PARD3B: variants seen among roughly 807,000 people sequenced by gnomAD.
PARD3B encodes the protein partitioning defective 3 homolog B.
A neutral mutation model predicts 130.2 loss-of-function variants in PARD3B; 103 were observed. The observed-to-expected ratio is 0.79, with a 90% CI of 0.67 to 0.93. The LOEUF (loss-of-function observed/expected upper bound fraction) is 0.93, where lower values mean the gene tolerates loss of function less well. Among genes scored for constraint, PARD3B ranks in the 40% least tolerant of loss-of-function variants. The pLI is 0.00. For missense variants in PARD3B, 1,609 were observed against 1,499.2 expected (o/e 1.07, Z -1.21); for synonymous variants, 583 against 553.2 (o/e 1.05, Z -0.76).
At chr2:205,151,750 G>A (rs2033771306) in intron 10 of PARD3B, among the ~76,000 whole-genome samples, 1 of 152,142 alleles carries the variant, frequency 6.6e-6, no homozygotes, top group Admixed American at 6.5e-5. Context: ...GGGGCATTTA[G>A]CCAATTTACA....
At chr2:205,289,727 C>T (rs2041531972) in intron 16 of PARD3B, among the ~76,000 whole-genome samples, 1 of 152,140 alleles carries the variant, frequency 6.6e-6, no homozygotes, top group Non-Finnish European at 1.5e-5. Context: ...TGGATTAAAC[C>T]ATTCATGGAT....
At chr2:205,302,065 CTTTT>C (rs3048088) in intron 18 of PARD3B, among the ~76,000 whole-genome samples, 76 of 77,776 alleles carry the variant, frequency 9.8e-4, no homozygotes, top group Admixed American at 2.7e-3. Flanking sequence ...TTTTTCTTTT[CTTTT>C]TTTTTTTTTT....
intron 18 of PARD3B, among the ~76,000 whole-genome samples, chr2:205,382,454 G>A (rs551255215): frequency 6.6e-5 from 10 of 152,156 alleles, no homozygotes; most frequent in Admixed American, 2.0e-4. Context: ...AGCCATGTCC[G>A]CTGGGTTTCT....
intron 2 of PARD3B, among the ~76,000 whole-genome samples, chr2:204,787,796 G>A (rs912960013): frequency 3.0e-4 from 46 of 152,132 alleles, no homozygotes; most frequent in African/African-American, 9.7e-4. Context: ...AACTTTTTGG[G>A]CAGGGTTGAA....
chr2:204,705,266 C>T (rs545155209), intron 2 of PARD3B, among the ~76,000 whole-genome samples: 1 of 152,292 alleles, frequency 6.6e-6, no homozygotes, highest in East Asian at 1.9e-4. Context: ...AAGGGTCTCC[C>T]TTCATGAAGC....
intron 19 of PARD3B, among the ~76,000 whole-genome samples, chr2:205,408,684 A>G (rs1344957855): frequency 1.3e-5 from 2 of 152,166 alleles, no homozygotes; most frequent in Non-Finnish European, 2.9e-5. Flanking sequence ...GCAATTCTCA[A>G]TAATTAATTA....
At chr2:204,777,567 A>C (rs1212835294) in intron 2 of PARD3B, among the ~76,000 whole-genome samples, 1 of 152,108 alleles carries the variant, frequency 6.6e-6, no homozygotes, top group East Asian at 1.9e-4. Context: ...CCAGACTTAG[A>C]GACTGGCCTC....
chr2:205,602,216 G>A (rs1020550803), intron 22 of PARD3B, among the ~76,000 whole-genome samples: 4 of 152,144 alleles, frequency 2.6e-5, no homozygotes, highest in South Asian at 2.1e-4. Context: ...TTACATCCCC[G>A]GGATAAAGCT....
rs1460792882 is a variant in PARD3B, at chr2:205,176,716, TGA to T, written c.1924+145_1924+146del. On this transcript the variant is annotated intron_variant, in intron 13 of 22. Coordinates refer to ENST00000406610, the MANE Select transcript of PARD3B (RefSeq NM_001302769.2). The surrounding 1 kb of genome is among the most constrained non-coding windows in gnomAD (Gnocchi z 5.3). ...CTTTGTTACTCGGAGTCACAAACAC[TGA>T]GAGAGTTGGGGGAGAGCTGACTCAG... 2.1e-6 allele frequency: 2 copies of T among 965,486 alleles called. No individual in the cohort carries two copies. The highest frequency in any genetic ancestry group is 2.1e-5 in the South Asian group (1 of 48,186). 59.8% of individuals were successfully genotyped at this position (965,486 alleles called of 1,614,324 possible).
chr2:205,511,160 T>C (rs1477455406), intron 21 of PARD3B, among the ~76,000 whole-genome samples: 1 of 152,182 alleles, frequency 6.6e-6, no homozygotes, highest in Non-Finnish European at 1.5e-5. Flanking sequence ...AATTTGTTTT[T>C]GAACCCAATA....
At chr2:204,620,075 T>C (rs11675555) in intron 1 of PARD3B, among the ~76,000 whole-genome samples, 107,404 of 152,052 alleles carry the variant, frequency 0.71, 38,751 homozygotes, top group Middle Eastern at 0.79. Context: ...GATCTCAGCT[T>C]ACTGCATCCT....
chr2:204,883,778 C>T (rs1183262104), intron 2 of PARD3B, among the ~76,000 whole-genome samples: 1 of 145,988 alleles, frequency 6.8e-6, no homozygotes, highest in African/African-American at 2.6e-5. Context: ...TTTGCTCTGT[C>T]ACCCAGGCTG....
At chr2:204,879,545 T>C (rs2045961389) in intron 2 of PARD3B, among the ~76,000 whole-genome samples, 1 of 152,174 alleles carries the variant, frequency 6.6e-6, no homozygotes, top group Non-Finnish European at 1.5e-5. Context: ...ACTGCTTAGA[T>C]TATATGGCAA....
intron 10 of PARD3B, among the ~76,000 whole-genome samples, chr2:205,134,817 G>T (rs1021946800): frequency 1.3e-5 from 2 of 152,186 alleles, no homozygotes; most frequent in African/African-American, 4.8e-5. Flanking sequence ...TGGAGGAAGT[G>T]CGGGGCTATT....
At chr2:204,722,767 G>C (rs1252795464) in intron 2 of PARD3B, among the ~76,000 whole-genome samples, 1 of 152,076 alleles carries the variant, frequency 6.6e-6, no homozygotes, top group Non-Finnish European at 1.5e-5. Flanking sequence ...TTAGTTCTGT[G>C]GAGCTCTGGT....
At position 205,035,107 on chromosome 2, in the gene PARD3B, C is replaced by A. The variant is rs201702608; in HGVS notation, c.395-12474C>A. 8.8e-4 allele frequency among the ~76,000 whole-genome samples: 134 copies of A among 152,208 alleles called. 2 individuals carry two copies. In the East Asian group the frequency reaches 0.024, roughly 28 times the overall value. ...CGAACTCCTAACCTCAGGTGATCCC[C>A]CCCCCTCAGCCTCCCAAAGTGCTGG... On this transcript the variant is annotated intron_variant, in intron 3 of 22. Transcript: ENST00000406610.
intron 2 of PARD3B, among the ~76,000 whole-genome samples, chr2:204,760,243 T>G (rs1029330510): frequency 1.3e-5 from 2 of 152,128 alleles, no homozygotes; most frequent in Non-Finnish European, 2.9e-5. Flanking sequence ...ACATGAATTT[T>G]CATTAGAAAT....
chr2:205,607,535 G>C (rs1453134028), intron 22 of PARD3B, among the ~76,000 whole-genome samples: 2 of 152,138 alleles, frequency 1.3e-5, no homozygotes, highest in Admixed American at 1.3e-4. Context: ...TAATAATAAT[G>C]CCTACCTGGT....
At chr2:205,151,148 C>G (rs997190967) in intron 10 of PARD3B, among the ~76,000 whole-genome samples, 3 of 152,134 alleles carry the variant, frequency 2.0e-5, no homozygotes, top group South Asian at 2.1e-4. Flanking sequence ...GATTTCTGTT[C>G]TTTTACATTT....
Sources: gnomAD v4.1 joint callset for allele counts (sites outside exome capture counted in the v4.1 genomes callset) on GRCh38, gnomAD v4.1.1 for gene constraint, Gnocchi (gnomAD v3.1) non-coding constraint, MANE v1.5 for transcripts, NCBI Gene and HGNC (gene_info 2026-07-23, HGNC 2026-07-21) for gene names.